Variants in ITGA4 observed in about 807,000 individuals in gnomAD.
The protein encoded by ITGA4 is integrin subunit alpha 4.
A neutral mutation model predicts 133.6 loss-of-function variants in ITGA4; 63 were observed. That is an observed-to-expected ratio of 0.47 (90% CI 0.38 to 0.58). The LOEUF is 0.58. Ranked by LOEUF, ITGA4 falls within the 20% of genes least tolerant of loss-of-function variation. The pLI is 0.00. For missense variants in ITGA4, 1,076 were observed against 1,252.7 expected, an observed-to-expected ratio of 0.86 and a Z score of 2.13; for synonymous variants, 483 against 438.0, an observed-to-expected ratio of 1.10 and a Z score of -1.28.
At position 181,482,664 on chromosome 2, in the gene ITGA4, G is replaced by C; in HGVS notation, c.1041+13G>C. The C allele has an allele frequency of 6.2e-7, 1 of 1,611,136 alleles. No homozygotes were observed. Among genetic ancestry groups the C allele is most frequent in the Non-Finnish European group, 8.5e-7 (1 of 1,177,926 alleles). On this transcript the variant is annotated intron_variant, in intron 9 of 27. Transcript: ENST00000397033. ...CAACTCTGGCTCGGTATGTCCAAGT[G>C]CCCCAACTGGAAGCCATTTATGGAA... is the stretch of plus-strand genomic sequence containing the variant.
chr2:181,468,644 A>G (rs1474129193), intron 2 of ITGA4, among the ~76,000 whole-genome samples: 1 of 152,196 alleles, frequency 6.6e-6, no homozygotes, highest in Non-Finnish European at 1.5e-5. Flanking sequence ...GAATGTATTT[A>G]ACTAGCTTTG....
Position 181,457,667 on chromosome 2 carries a change from G to A in ITGA4, c.13G>A (p.Ala5Thr), listed in dbSNP as rs763113861. Residue 5 changes from alanine to threonine, a missense_variant, in exon 1 of 28, where the codon GCG (alanine) becomes ACG (threonine). Around this residue, in one of 4 missense-constraint regions of ITGA4, gnomAD observed 82 missense variants for 68.3 expected, o/e 1.20. Coordinates refer to ENST00000397033, the MANE Select transcript of ITGA4 (RefSeq NM_000885.6). ...CCACCGAGAGCGCATGGCTTGGGAA[G>A]CGAGGCGCGAACCCGGCCCCCGAAG... MAWEARREPGPRRAA... is the reference protein window; with the variant it reads MAWETRREPGPRRAA... The A allele has an allele frequency of 2.8e-5, 45 of 1,610,280 alleles. No individual in the cohort carries two copies.
intron 2 of ITGA4, among the ~76,000 whole-genome samples, chr2:181,470,493 G>C (rs988016039): frequency 6.6e-6 from 1 of 152,100 alleles, no homozygotes; most frequent in Admixed American, 6.5e-5. Flanking sequence ...TCTTAACCCA[G>C]ACATGTCAAG....
chr2:181,477,297 T>G (rs1026983346), intron 4 of ITGA4, among the ~76,000 whole-genome samples: 2 of 152,018 alleles, frequency 1.3e-5, no homozygotes, highest in African/African-American at 4.8e-5. Context: ...TACTTGACAT[T>G]AGTCTAGGCA....
chr2:181,460,566 AGTGTGTGTGTGTGTGT>A (rs61016862), intron 2 of ITGA4, among the ~76,000 whole-genome samples: 8 of 148,070 alleles, frequency 5.4e-5, no homozygotes, highest in Non-Finnish European at 9.0e-5. Flanking sequence ...TCTGTAGAAG[AGTGTGTGTGTGTGTGT>A]GTGTGTGTGT....
chr2:181,494,708 T>G lies in ITGA4; in HGVS notation c.1249-14T>G. On this transcript the variant is annotated splice_polypyrimidine_tract_variant and intron_variant, in intron 11 of 27. Transcript: ENST00000397033. ...TTCAAAAACTACTTCCCACTCAACTTTCCTATTTTTCAGAGAATTGAAGGA... is the reference window on the plus strand; with the variant it reads ...TTCAAAAACTACTTCCCACTCAACTGTCCTATTTTTCAGAGAATTGAAGGA... 1 of 1,449,556 alleles carries G rather than the reference T, an allele frequency of 6.9e-7. No homozygotes were observed. The highest frequency in any genetic ancestry group is 1.1e-5 in the South Asian group (1 of 87,726). 89.8% of individuals were successfully genotyped at this position (1,449,556 alleles called of 1,614,324 possible).
At position 181,457,672 on chromosome 2, in the gene ITGA4, G is replaced by T; in HGVS notation, c.18G>T (p.Arg6Ser). 1 of 1,610,684 alleles carries T rather than the reference G, an allele frequency of 6.2e-7. No individual in the cohort carries two copies. The highest frequency in any genetic ancestry group is 8.5e-7 in the Non-Finnish European group (1 of 1,179,334). Reference sequence around the variant, plus strand: ...GAGAGCGCATGGCTTGGGAAGCGAGGCGCGAACCCGGCCCCCGAAGGGCCG... The same window carrying T: ...GAGAGCGCATGGCTTGGGAAGCGAGTCGCGAACCCGGCCCCCGAAGGGCCG... MAWEA[R>S]REPGPRRAAV... Residue 6 changes from arginine (R) to serine (S), a missense_variant, in exon 1 of 28, where the codon AGG becomes AGT. Physicochemically the swap from Arg to Ser is moderately radical, Grantham distance 110. Transcript: ENST00000397033.
At position 181,513,858 on chromosome 2, in the gene ITGA4, A is replaced by C. The variant is rs1686554824; in HGVS notation, c.1922+2083A>C. On this transcript the variant is annotated intron_variant, in intron 17 of 27. Transcript: ENST00000397033. ...AGCCCCCTGGTCTTCAGCTACTTAA[A>C]CTTAAGTTCTGTTGTGCCCTTGGTC... 2.0e-5 allele frequency among the ~76,000 whole-genome samples: 3 copies of C among 152,102 alleles called. No individual in the cohort carries two copies. The South Asian group carries it at 6.2e-4, about 32-fold the overall frequency.
At chr2:181,501,107 G>T (rs1054135687) in intron 15 of ITGA4, among the ~76,000 whole-genome samples, 1 of 152,134 alleles carries the variant, frequency 6.6e-6, no homozygotes, top group Non-Finnish European at 1.5e-5. Flanking sequence ...GTTTTAGGGT[G>T]TAATAGCAAC....
chr2:181,514,598 A>C (rs1686570367), intron 17 of ITGA4, among the ~76,000 whole-genome samples: 4 of 149,052 alleles, frequency 2.7e-5, no homozygotes, highest in African/African-American at 9.7e-5. Flanking sequence ...TTTTCTTCCT[A>C]AACCGCTTAA....
At chr2:181,484,662 A>G (rs1277564083) in intron 9 of ITGA4, among the ~76,000 whole-genome samples, 1 of 152,228 alleles carries the variant, frequency 6.6e-6, no homozygotes, top group African/African-American at 2.4e-5. Context: ...CCAGGACTAT[A>G]AAAAGAGCTA....
chr2:181,522,270 G>C lies in ITGA4; in HGVS notation c.2002G>C (p.Asp668His), dbSNP rs1686736703. 4.7e-6 allele frequency: 7 copies of C among 1,499,796 alleles called. No homozygotes were observed. Among genetic ancestry groups the C allele is most frequent in the Non-Finnish European group, 6.4e-6 (7 of 1,097,592 alleles). 92.9% of individuals were successfully genotyped at this position (1,499,796 alleles called of 1,614,324 possible). The change falls in exon 18 of 28, where the codon GAT (aspartate) becomes CAT (histidine). Residue 668 changes from aspartate (D) to histidine (H), a missense_variant. Transcript: ENST00000397033. ...GAATGTGTCCTTGTTTAATGCTGGA[G>C]ATGATGCATATGAAACGACTCTACA... Reference protein sequence around the residue: ...MLNVSLFNAGDDAYETTLHVK... With the variant: ...MLNVSLFNAGHDAYETTLHVK...
At chr2:181,479,849 A>T (rs1248059318) in intron 5 of ITGA4, 1 of 183,874 alleles carries the variant, frequency 5.4e-6, no homozygotes, top group Non-Finnish European at 1.1e-5. Flanking sequence ...CCTTTCTCCC[A>T]AAAGCTTACT....
intron 20 of ITGA4, 23 bp from the exon 21 acceptor site, chr2:181,525,179 C>G: frequency 7.4e-7 from 1 of 1,358,842 alleles, no homozygotes. Flanking sequence ...TGAATTCTAA[C>G]AGGGTGTTTT....
chr2:181,535,085 C>A, intron 27 of ITGA4, 150 bp downstream of exon 27: 1 of 843,830 alleles, frequency 1.2e-6, no homozygotes, highest in Non-Finnish European at 1.7e-6. Context: ...TTCTCTTCAA[C>A]ACCAAAGTCT....
intron 17 of ITGA4, among the ~76,000 whole-genome samples, chr2:181,512,011 A>G (rs1009356435): frequency 1.3e-5 from 2 of 152,126 alleles, no homozygotes; most frequent in African/African-American, 4.8e-5. Flanking sequence ...TTGCTCTTCT[A>G]AATTCATAGA....
chr2:181,481,664 A>G lies in ITGA4; in HGVS notation c.821A>G (p.Gln274Arg). The G allele has an allele frequency of 6.3e-7, 1 of 1,589,196 alleles. No homozygotes were observed. Among genetic ancestry groups the G allele is most frequent in the African/African-American group, 1.3e-5 (1 of 74,618 alleles). The change falls in exon 7 of 28, where the codon CAA becomes CGA. Residue 274 changes from glutamine (Q) to arginine (R), a missense_variant. Gln to Arg is a conservative substitution (Grantham distance 43). Coordinates refer to ENST00000397033, the MANE Select transcript of ITGA4 (RefSeq NM_000885.6). The stretch of plus-strand genomic sequence containing the variant: ...ACCGAAGTAGTCGGAGGAGCTCCTC[A>G]ACATGAGCAGATTGGTAAGGTAAGA... Reference protein sequence around the residue: ...HTTEVVGGAPQHEQIGKAYIF... With the variant: ...HTTEVVGGAPRHEQIGKAYIF...
At chr2:181,525,433 T>C in intron 21 of ITGA4, 142 bp downstream of exon 21, 2 of 569,420 alleles carry the variant, frequency 3.5e-6, no homozygotes, top group Non-Finnish European at 3.1e-6. Context: ...CTCATTGTTA[T>C]AGTCCCTTAC....
intron 2 of ITGA4, among the ~76,000 whole-genome samples, chr2:181,461,525 T>C (rs1254293298): frequency 6.6e-6 from 1 of 152,054 alleles, no homozygotes; most frequent in East Asian, 1.9e-4. Flanking sequence ...CAGGCTTGTT[T>C]AAAGGAAACT....
Sources: gnomAD v4.1 joint callset for allele counts (sites outside exome capture counted in the v4.1 genomes callset) on GRCh38, gnomAD v4.1.1 for gene constraint, gnomAD v4.1.1 regional missense constraint, MANE v1.5 for transcripts, NCBI Gene and HGNC (gene_info 2026-07-23, HGNC 2026-07-21) for gene names.